Variants in RAB3C observed in about 807,000 individuals in gnomAD.
RAB3C encodes RAB3C, member RAS oncogene family.
Under a neutral mutation model 26.4 loss-of-function variants are expected in RAB3C, and 17 were observed. The observed-to-expected ratio is 0.64, with a 90% CI of 0.44 to 0.97. The LOEUF (loss-of-function observed/expected upper bound fraction) is 0.97, where lower values mean the gene tolerates loss of function less well. Among genes scored for constraint, RAB3C ranks in the 50% least tolerant of loss-of-function variants. The pLI, the probability that RAB3C is intolerant of heterozygous loss-of-function variation, is 0.00. For missense variants in RAB3C, 242 were observed against 281.9 expected (o/e 0.86, Z 1.01); for synonymous variants, 91 against 95.9 (o/e 0.95, Z 0.30).
At chr5:58,746,170 G>C (rs1184466792) in intron 3 of RAB3C, among the ~76,000 whole-genome samples, 1 of 152,210 alleles carries the variant, frequency 6.6e-6, no homozygotes, top group Non-Finnish European at 1.5e-5. Flanking sequence ...CTGTAGGATT[G>C]ATGATGAATA....
At chr5:58,667,054 G>GT (rs1561283436) in intron 2 of RAB3C, among the ~76,000 whole-genome samples, 8 of 152,140 alleles carry the variant, frequency 5.3e-5, no homozygotes, top group African/African-American at 1.9e-4. Flanking sequence ...GGTGATAGTT[G>GT]TGGCAGACTC....
At chr5:58,595,647 A>G (rs1028863851) in intron 1 of RAB3C, among the ~76,000 whole-genome samples, 4 of 152,108 alleles carry the variant, frequency 2.6e-5, no homozygotes, top group African/African-American at 9.7e-5. Flanking sequence ...GCCTCACTCT[A>G]AATATTCTAA....
chr5:58,707,405 G>A (rs1368027067), intron 2 of RAB3C, among the ~76,000 whole-genome samples: 2 of 152,164 alleles, frequency 1.3e-5, no homozygotes, highest in Admixed American at 1.3e-4. Context: ...CAGCTGACAG[G>A]TGTTGCATGC....
chr5:58,696,047 T>C (rs927789027), intron 2 of RAB3C, among the ~76,000 whole-genome samples: 3 of 152,210 alleles, frequency 2.0e-5, no homozygotes, highest in Admixed American at 6.5e-5. Flanking sequence ...CAGTATGATA[T>C]TGGCTGTGGA....
At chr5:58,720,410 A>G (rs1740722053) in intron 2 of RAB3C, among the ~76,000 whole-genome samples, 1 of 151,948 alleles carries the variant, frequency 6.6e-6, no homozygotes, top group South Asian at 2.1e-4. Context: ...TAACATTAAA[A>G]TATACTGAGC....
At chr5:58,720,776 T>G (rs1157972614) in intron 2 of RAB3C, among the ~76,000 whole-genome samples, 1 of 151,904 alleles carries the variant, frequency 6.6e-6, no homozygotes, top group Non-Finnish European at 1.5e-5. Context: ...TTTTTCTCTG[T>G]CTAGGTATCC....
At chr5:58,597,747 C>T (rs1448878057) in intron 1 of RAB3C, among the ~76,000 whole-genome samples, 4 of 119,894 alleles carry the variant, frequency 3.3e-5, no homozygotes, top group East Asian at 2.2e-4. Flanking sequence ...ACATATAATA[C>T]ATTATATATA....
chr5:58,769,108 C>G (rs990266867), intron 3 of RAB3C, among the ~76,000 whole-genome samples: 2 of 151,242 alleles, frequency 1.3e-5, no homozygotes, highest in Non-Finnish European at 2.9e-5. Context: ...CGAGGATGGC[C>G]GTTAGTTTTG....
chr5:58,761,044 CT>C (rs1258678249), intron 3 of RAB3C, among the ~76,000 whole-genome samples: 11 of 137,976 alleles, frequency 8.0e-5, no homozygotes, highest in Admixed American at 1.5e-4. Context: ...CTCTCTCTCT[CT>C]CTCCCTCTCT....
intron 4 of RAB3C, 115 bp from the exon 5 acceptor site, chr5:58,851,049 C>G: frequency 1.0e-6 from 1 of 989,616 alleles, no homozygotes; most frequent in South Asian, 1.7e-5. Context: ...TACCCCAAAC[C>G]TACCACCCAC....
chr5:58,588,328 TGA>T (rs769845176), intron 1 of RAB3C, among the ~76,000 whole-genome samples: 17 of 152,304 alleles, frequency 1.1e-4, no homozygotes, highest in Non-Finnish European at 1.9e-4. Context: ...CAGCAATGTA[TGA>T]GAGAGTTTTA....
intron 1 of RAB3C, among the ~76,000 whole-genome samples, chr5:58,613,133 A>G (rs758952522): frequency 1.1e-4 from 17 of 152,070 alleles, no homozygotes; most frequent in Non-Finnish European, 2.5e-4. Flanking sequence ...ATCAGAGGTA[A>G]CCGATTTGGT....
intron 3 of RAB3C, among the ~76,000 whole-genome samples, chr5:58,759,860 G>A (rs1339796473): frequency 6.6e-6 from 1 of 152,124 alleles, no homozygotes; most frequent in Non-Finnish European, 1.5e-5. Flanking sequence ...TGAGTCATTT[G>A]GCCTATAAGA....
chr5:58,845,981 G>A (rs1743990314), intron 4 of RAB3C, among the ~76,000 whole-genome samples: 1 of 151,832 alleles, frequency 6.6e-6, no homozygotes, highest in African/African-American at 2.4e-5. Flanking sequence ...TTTATGTCAG[G>A]CTTTTTTCAC....
At chr5:58,740,076 G>A (rs1170915926) in intron 3 of RAB3C, among the ~76,000 whole-genome samples, 3 of 152,188 alleles carry the variant, frequency 2.0e-5, no homozygotes, top group African/African-American at 4.8e-5. Flanking sequence ...GGTTTAGGGA[G>A]CATCTCACAC....
chr5:58,834,438 A>G (rs1486802423), intron 4 of RAB3C, among the ~76,000 whole-genome samples: 1 of 152,248 alleles, frequency 6.6e-6, no homozygotes, highest in East Asian at 1.9e-4. Context: ...TTGTGCAGCC[A>G]GAAACTCTAA....
chr5:58,832,762 A>G (rs1162326360), intron 4 of RAB3C, among the ~76,000 whole-genome samples: 1 of 152,202 alleles, frequency 6.6e-6, no homozygotes, highest in East Asian at 1.9e-4. Context: ...TGGTCTCCCT[A>G]GGCATAATAA....
chr5:58,596,709 A>AATACATAATATAT (rs1395674628), intron 1 of RAB3C, among the ~76,000 whole-genome samples: 1 of 34,488 alleles, frequency 2.9e-5, no homozygotes, highest in African/African-American at 9.7e-5. Flanking sequence ...TATTATATAT[A>AATACATAATATAT]AATATATAAT....
intron 1 of RAB3C, among the ~76,000 whole-genome samples, chr5:58,586,961 C>T (rs933740552): frequency 2.6e-5 from 4 of 152,138 alleles, no homozygotes; most frequent in African/African-American, 4.8e-5. Context: ...CATATCCATC[C>T]TCAGTGATCA....
Sources: allele counts gnomAD v4.1 joint callset (sites outside exome capture counted in the v4.1 genomes callset), GRCh38; gene constraint gnomAD v4.1.1; transcripts MANE v1.5; gene names NCBI Gene and HGNC (gene_info 2026-07-23, HGNC 2026-07-21).